Variants in IRF4 observed in about 807,000 individuals in gnomAD.
IRF4 encodes lymphocyte-specific interferon regulatory factor.
IRF4 carries 13 observed loss-of-function variants against 55.5 expected under a neutral mutation model. The ratio of observed to expected loss-of-function variants is 0.23; its 90% CI spans 0.15 to 0.37. The LOEUF (loss-of-function observed/expected upper bound fraction) is 0.37. Ranked by LOEUF, IRF4 falls within the 10% of genes least tolerant of loss-of-function variation. IRF4 has a pLI of 1.00. For missense variants in IRF4, 397 were observed against 593.8 expected, an observed-to-expected ratio of 0.67 and a Z score of 3.44; for synonymous variants, 249 against 240.7, an observed-to-expected ratio of 1.03 and a Z score of -0.32.
At chr6:401,826 G>T in intron 7 of IRF4, 49 bp downstream of exon 7, 1 of 1,553,136 alleles carries the variant, frequency 6.4e-7, no homozygotes, top group South Asian at 1.1e-5. Context: ...TGGCCTGCCT[G>T]CCACAGGGGT....
chr6:401,304 T>TC, intron 6 of IRF4, 120 bp from the exon 7 acceptor site: 1 of 734,626 alleles, frequency 1.4e-6, no homozygotes, highest in Non-Finnish European at 2.2e-6. Context: ...AACCTTTTGT[T>TC]CCCCCACGGG....
rs1242978408 is a variant in IRF4 at position 407,693 on chromosome 6, C to T, written c.*95C>T. 3 of 1,155,618 alleles carry T rather than the reference C, an allele frequency of 2.6e-6. No homozygotes were observed. Among genetic ancestry groups the T allele is most frequent in the Non-Finnish European group, 1.2e-6 (1 of 825,560 alleles). 71.6% of individuals were successfully genotyped at this position (1,155,618 alleles called of 1,614,324 possible). On this transcript the variant is annotated 3_prime_UTR_variant, in exon 9 of 9. Transcript: ENST00000380956. ...TTGCTCTGTCTCCCAGGCTGGAGTG[C>T]AGTGACACAATCTCAGCTCACTGTG... is the stretch of plus-strand genomic sequence containing the variant.
intron 1 of IRF4, among the ~76,000 whole-genome samples, chr6:392,767 G>A (rs1245599357): frequency 6.6e-6 from 1 of 152,244 alleles, no homozygotes; most frequent in African/African-American, 2.4e-5. Flanking sequence ...GGAGGGCCAG[G>A]AGGGGTGGCG....
Position 411,152 on chromosome 6 carries a change from G to C in IRF4, c.*3554G>C. 4.3e-6 allele frequency: 1 copy of C among 232,436 alleles called. No homozygotes were observed. Among genetic ancestry groups the C allele is most frequent in the Non-Finnish European group, 8.5e-6 (1 of 117,406 alleles). The allele number at this position is 232,436 out of a possible 1,614,324, so 14.4% of individuals were successfully genotyped here. On this transcript the variant is annotated 3_prime_UTR_variant, in exon 9 of 9. Coordinates refer to ENST00000380956, the MANE Select transcript of IRF4 (RefSeq NM_002460.4). ...AAACTGAGACAGATGGGACTTAACAGGCAATGGGGTCCACTTCCCCCTCTT... is the reference window on the plus strand; with the variant it reads ...AAACTGAGACAGATGGGACTTAACACGCAATGGGGTCCACTTCCCCCTCTT...
rs3842113 is a variant in IRF4, at chr6:410,996, G to GT, written c.*3407dup. 2.6e-5 allele frequency: 6 copies of GT among 230,262 alleles called. No homozygotes were observed. The highest frequency in any genetic ancestry group is 4.3e-5 in the Non-Finnish European group (5 of 116,240). The allele number at this position is 230,262 out of a possible 1,614,324, so 14.3% of individuals were successfully genotyped here. ...TGTTACAGGAATGAAGTAAAGGTCA[G>GT]TTTTTTTTTGTATTGATTTTCACAG... On this transcript the variant is annotated 3_prime_UTR_variant, in exon 9 of 9. Coordinates refer to ENST00000380956, the MANE Select transcript of IRF4 (RefSeq NM_002460.4).
chr6:392,876 G>A (rs1473083447), intron 1 of IRF4, among the ~76,000 whole-genome samples: 1 of 152,174 alleles, frequency 6.6e-6, no homozygotes, highest in Non-Finnish European at 1.5e-5. Flanking sequence ...AGCCTTCGCG[G>A]GGGCCGAGCT....
Position 393,418 on chromosome 6 carries a change from C to A in IRF4, c.216+50C>A. On this transcript the variant is annotated intron_variant, in intron 2 of 8. Transcript: ENST00000380956. The surrounding 1 kb of genome is among the most constrained non-coding windows in gnomAD (Gnocchi z 5.4). ...GGGCGCGCCGGGGAGGGCCCAGAGA[C>A]AGAGCCCGGGGTCCCCGGCGCCGCC... The A allele has an allele frequency of 7.3e-7, 1 of 1,361,668 alleles. No individual in the cohort carries two copies. The highest frequency in any genetic ancestry group is 9.8e-7 in the Non-Finnish European group (1 of 1,020,634). 84.3% of individuals were successfully genotyped at this position (1,361,668 alleles called of 1,614,324 possible).
In IRF4 at chr6:401,425, C is replaced by A; in HGVS notation, c.747C>A (p.Asp249Glu). ...GACTCCGGAGCTCTGTGTTTGCAGA[C>A]TGCCGGCTGCACATCTGCCTGTACT... ...IRSAEALAFS[D>E]CRLHICLYYR... Residue 249 changes from aspartate to glutamate, a missense_variant and splice_region_variant, in exon 7 of 9, where the codon GAC becomes GAA. Asp to Glu is a conservative substitution (Grantham distance 45, BLOSUM62 2). This residue lies in a region of IRF4 where 341 missense variants were observed against 548.1 expected (regional missense o/e 0.62). Coordinates refer to ENST00000380956, the MANE Select transcript of IRF4 (RefSeq NM_002460.4). The A allele has an allele frequency of 6.2e-7, 1 of 1,610,372 alleles. No individual in the cohort carries two copies.
At chr6:395,036 T>A in intron 3 of IRF4, 29 bp downstream of exon 3, 1 of 1,538,708 alleles carries the variant, frequency 6.5e-7, no homozygotes, top group Non-Finnish European at 8.8e-7. Flanking sequence ...TTGGGTCACC[T>A]AACAGAGGCA....
Position 407,563 on chromosome 6 carries a change from C to A in IRF4, c.1321C>A (p.His441Asn). Reference sequence around the variant, plus strand: ...ACACATCAGCAATCCAGAAGATTACCACAGATCTATCCGCCATTCCTCTAT... The same window carrying A: ...ACACATCAGCAATCCAGAAGATTACAACAGATCTATCCGCCATTCCTCTAT... Reference protein sequence around the residue: ...PEHISNPEDYHRSIRHSSIQE With the variant: ...PEHISNPEDYNRSIRHSSIQE Residue 441 changes from histidine to asparagine, a missense_variant, in exon 9 of 9, where the codon CAC (histidine) becomes AAC (asparagine). His to Asn is a moderately conservative substitution (Grantham distance 68). This residue lies in a region of IRF4 where 22 missense variants were observed against 16.3 expected (regional missense o/e 1.35). Coordinates refer to ENST00000380956, the MANE Select transcript of IRF4 (RefSeq NM_002460.4). The A allele has an allele frequency of 6.2e-7, 1 of 1,611,822 alleles. No individual in the cohort carries two copies. Among genetic ancestry groups the A allele is most frequent in the East Asian group, 2.2e-5 (1 of 44,876 alleles).
rs1761672260 is a variant in IRF4, at chr6:410,530, C to T, written c.*2932C>T. Reference sequence around the variant, plus strand: ...CTTACAGTATTGTTACCACCAAGGGCAGGTAGGTATTAGTGTTTGAAAAAG... The same window carrying T: ...CTTACAGTATTGTTACCACCAAGGGTAGGTAGGTATTAGTGTTTGAAAAAG... On this transcript the variant is annotated 3_prime_UTR_variant, in exon 9 of 9. Transcript: ENST00000380956. 4.4e-6 allele frequency: 1 copy of T among 229,088 alleles called. No homozygotes were observed. The highest frequency in any genetic ancestry group is 8.7e-6 in the Non-Finnish European group (1 of 115,490). 14.2% of individuals were successfully genotyped at this position (229,088 alleles called of 1,614,324 possible).
intron 1 of IRF4, 187 bp downstream of exon 1, chr6:391,996 G>A (rs1008377540): frequency 2.7e-6 from 1 of 373,078 alleles, no homozygotes; most frequent in Non-Finnish European, 5.5e-6. Context: ...CGCTGGTTTG[G>A]GCTCCAAGGC....
At chr6:402,304 G>C (rs1242783333) in intron 7 of IRF4, among the ~76,000 whole-genome samples, 1 of 152,216 alleles carries the variant, frequency 6.6e-6, no homozygotes, top group Non-Finnish European at 1.5e-5. Flanking sequence ...TTCAGAACCA[G>C]TGAGTTTTGT....
chr6:397,596 C>A, intron 5 of IRF4: 1 of 233,054 alleles, frequency 4.3e-6, no homozygotes. Context: ...GATTATTGAG[C>A]TGGTATATTT....
intron 7 of IRF4, among the ~76,000 whole-genome samples, chr6:402,372 C>G (rs376041466): frequency 6.6e-6 from 1 of 152,078 alleles, no homozygotes; most frequent in South Asian, 2.1e-4. Context: ...TCTGTGAAGC[C>G]CCTCGCCCTG....
At chr6:406,262 G>A (rs777860997) in intron 8 of IRF4, among the ~76,000 whole-genome samples, 44 of 152,196 alleles carry the variant, frequency 2.9e-4, no homozygotes, top group African/African-American at 1.0e-3. Context: ...GTTGATGATC[G>A]GCCGGGCACA....
intron 4 of IRF4, 169 bp downstream of exon 4, chr6:396,104 G>T (rs1295381333): frequency 4.2e-5 from 25 of 597,124 alleles, no homozygotes; most frequent in Non-Finnish European, 7.1e-5. Flanking sequence ...TTTCCACACG[G>T]TGCTGCCATT....
Position 393,354 on chromosome 6 carries a change from G to C in IRF4, c.202G>C (p.Ala68Pro). 6.3e-7 allele frequency: 1 copy of C among 1,598,058 alleles called. No individual in the cohort carries two copies. Among genetic ancestry groups the C allele is most frequent in the Non-Finnish European group, 8.5e-7 (1 of 1,172,440 alleles). The change falls in exon 2 of 9, where the codon GCC (alanine) becomes CCC (proline). Residue 68 changes from alanine (A) to proline (P), a missense_variant. Physicochemically the swap from Ala to Pro is conservative, Grantham distance 27 (BLOSUM62 -1). Around this residue, in one of 3 missense-constraint regions of IRF4, gnomAD observed 341 missense variants for 548.1 expected, o/e 0.62. Transcript: ENST00000380956. This position sits in a 1 kb window ranked among gnomAD's most constrained non-coding sequence, Gnocchi z 5.4. ...GCAGGACTACAACCGCGAGGAGGAC[G>C]CCGCGCTCTTCAAGGTCTCCGGCCT... is the stretch of plus-strand genomic sequence containing the variant. ...GKQDYNREED[A>P]ALFKAWALFK...
At chr6:397,373 G>A (rs1761292835) in intron 5 of IRF4, 121 bp downstream of exon 5, 2 of 1,202,524 alleles carry the variant, frequency 1.7e-6, no homozygotes, top group African/African-American at 1.5e-5. Context: ...GAGGCTGCGT[G>A]TGCAGCTCGG....
Sources: allele counts gnomAD v4.1 joint callset (sites outside exome capture counted in the v4.1 genomes callset), GRCh38; gene constraint gnomAD v4.1.1; regional missense constraint gnomAD v4.1.1; non-coding constraint Gnocchi (gnomAD v3.1); transcripts MANE v1.5; gene names NCBI Gene and HGNC (gene_info 2026-07-23, HGNC 2026-07-21).